The following ADAMTSL1 variants were observed in gnomAD, a reference collection of about 807,000 sequenced individuals.
ADAMTSL1 encodes the protein ADAMTS-like protein 1.
ADAMTSL1 carries 126 observed loss-of-function variants against 201.8 expected under a neutral mutation model. The ratio of observed to expected loss-of-function variants is 0.62; its 90% CI spans 0.54 to 0.72. The LOEUF (loss-of-function observed/expected upper bound fraction) is 0.72. Ranked by LOEUF, ADAMTSL1 falls within the 30% of genes least tolerant of loss-of-function variation. The probability of loss-of-function intolerance (pLI) is 0.00; values close to 1 mark genes in which losing one functional copy is unlikely to be tolerated. For synonymous variants in ADAMTSL1, 1,121 were observed against 903.4 expected (o/e 1.24, Z -4.32); for missense variants, 2,679 against 2,277.8 (o/e 1.18, Z -3.59).
intron 27 of ADAMTSL1, 27 bp downstream of exon 27, chr9:18,905,918 T>A: frequency 6.4e-7 from 1 of 1,554,962 alleles, no homozygotes; most frequent in Non-Finnish European, 8.8e-7. Flanking sequence ...AATCTCCTTT[T>A]CCCAGCCCCA....
chr9:18,375,929 C>G (rs1303476891), intron 2 of ADAMTSL1, among the ~76,000 whole-genome samples: 1 of 152,112 alleles, frequency 6.6e-6, no homozygotes, highest in African/African-American at 2.4e-5. Context: ...TTACAGAGCA[C>G]TGATTGGTCC....
intron 15 of ADAMTSL1, among the ~76,000 whole-genome samples, chr9:18,751,006 T>G (rs1287379691): frequency 6.6e-6 from 1 of 152,208 alleles, no homozygotes; most frequent in Non-Finnish European, 1.5e-5. Context: ...TTATCCTTTT[T>G]GTGACCTAGC....
intron 2 of ADAMTSL1, among the ~76,000 whole-genome samples, chr9:18,246,239 A>C (rs1831255230): frequency 6.6e-6 from 1 of 152,206 alleles, no homozygotes; most frequent in Non-Finnish European, 1.5e-5. Flanking sequence ...ATTTAGAAGA[A>C]TAATTGGGTT....
At chr9:18,707,264 G>A (rs1279094289) in intron 14 of ADAMTSL1, among the ~76,000 whole-genome samples, 2 of 152,322 alleles carry the variant, frequency 1.3e-5, no homozygotes, top group East Asian at 3.9e-4. Context: ...TGAGTGGCCA[G>A]TACAACAAAT....
intron 2 of ADAMTSL1, among the ~76,000 whole-genome samples, chr9:18,304,796 G>T (rs535685784): frequency 9.2e-5 from 14 of 152,230 alleles, no homozygotes; most frequent in African/African-American, 3.1e-4. Context: ...AATTCAAAAT[G>T]ACTTTCTCAT....
intron 4 of ADAMTSL1, among the ~76,000 whole-genome samples, chr9:18,606,230 A>C (rs144585150): frequency 6.6e-6 from 1 of 152,152 alleles, no homozygotes; most frequent in African/African-American, 2.4e-5. Context: ...AAGCCAAGCT[A>C]TAGGCAAGCA....
intron 1 of ADAMTSL1, among the ~76,000 whole-genome samples, chr9:18,006,904 T>G (rs1819850960): frequency 6.6e-6 from 1 of 152,034 alleles, no homozygotes; most frequent in Admixed American, 6.6e-5. Flanking sequence ...TTTGTTTCAC[T>G]GTTGATCATT....
intron 4 of ADAMTSL1, among the ~76,000 whole-genome samples, chr9:18,610,004 C>G (rs1011028359): frequency 6.6e-6 from 1 of 152,138 alleles, no homozygotes; most frequent in Admixed American, 6.5e-5. Flanking sequence ...GTCATGCTGC[C>G]TCTTTTGTGG....
chr9:18,682,189 A>T (rs1830543299), intron 12 of ADAMTSL1, among the ~76,000 whole-genome samples: 3 of 152,210 alleles, frequency 2.0e-5, no homozygotes, highest in Admixed American at 2.0e-4. Context: ...ATTATCTCCC[A>T]AGTCATAAAG....
chr9:18,358,506 C>A (rs537808552), intron 2 of ADAMTSL1, among the ~76,000 whole-genome samples: 2 of 152,290 alleles, frequency 1.3e-5, no homozygotes, highest in East Asian at 1.9e-4. Flanking sequence ...ATCTCATACC[C>A]ATTAAGCAGC....
At chr9:18,713,704 G>A (rs9802884) in intron 14 of ADAMTSL1, among the ~76,000 whole-genome samples, 147,963 of 147,974 alleles carry the variant, frequency 1, 73,976 homozygotes, top group Middle Eastern at 1. Context: ...ACAGAAAGTC[G>A]ACAAGGATAC....
At chr9:18,085,288 G>A (rs1823697017) in intron 1 of ADAMTSL1, among the ~76,000 whole-genome samples, 2 of 152,062 alleles carry the variant, frequency 1.3e-5, no homozygotes, top group South Asian at 2.1e-4. Flanking sequence ...TACCAGCTGT[G>A]CGATCTTGGG....
intron 2 of ADAMTSL1, among the ~76,000 whole-genome samples, chr9:18,206,213 C>A (rs1402740977): frequency 6.6e-6 from 1 of 151,974 alleles, no homozygotes; most frequent in Non-Finnish European, 1.5e-5. Context: ...GGAAGGTGTT[C>A]CTTAGAAGCT....
At chr9:18,333,974 A>G (rs1403877128) in intron 2 of ADAMTSL1, among the ~76,000 whole-genome samples, 1 of 152,146 alleles carries the variant, frequency 6.6e-6, no homozygotes, top group African/African-American at 2.4e-5. Flanking sequence ...AACTAGCTTC[A>G]CAAGCAACCC....
At chr9:18,278,518 C>A (rs779353629) in intron 2 of ADAMTSL1, among the ~76,000 whole-genome samples, 1 of 152,106 alleles carries the variant, frequency 6.6e-6, no homozygotes, top group Non-Finnish European at 1.5e-5. Flanking sequence ...GAAAAATCCA[C>A]TGATAGTCTT....
intron 1 of ADAMTSL1, among the ~76,000 whole-genome samples, chr9:17,993,446 G>A (rs577379402): frequency 5.6e-5 from 7 of 126,048 alleles, no homozygotes; most frequent in Admixed American, 4.7e-4. Context: ...AATATAATAA[G>A]AGCCTGTCGT....
chr9:18,229,699 A>G (rs1587358130), intron 2 of ADAMTSL1, among the ~76,000 whole-genome samples: 2 of 144,330 alleles, frequency 1.4e-5, no homozygotes, highest in Non-Finnish European at 3.1e-5. Flanking sequence ...TTCAACCAAC[A>G]TTTTTTTTTT....
chr9:18,276,961 G>C (rs2132609128), intron 2 of ADAMTSL1, among the ~76,000 whole-genome samples: 1 of 152,178 alleles, frequency 6.6e-6, no homozygotes, highest in East Asian at 1.9e-4. Context: ...CAGTTTTGTT[G>C]GTCTCAAGAT....
intron 28 of ADAMTSL1, 154 bp downstream of exon 28, chr9:18,907,066 A>G: frequency 1.3e-6 from 1 of 758,076 alleles, no homozygotes; most frequent in Non-Finnish European, 2.1e-6. Flanking sequence ...AGTGGGGTGC[A>G]TGGGTGTATG....
Sources: gnomAD v4.1 joint callset for allele counts (sites outside exome capture counted in the v4.1 genomes callset) on GRCh38, gnomAD v4.1.1 for gene constraint, MANE v1.5 for transcripts, NCBI Gene and HGNC (gene_info 2026-07-23, HGNC 2026-07-21) for gene names.